Variants in LSAMP observed in about 807,000 individuals in gnomAD.
The protein encoded by LSAMP is limbic system associated membrane protein.
LSAMP carries 7 observed loss-of-function variants against 38.6 expected under a neutral mutation model. The observed-to-expected ratio is 0.18, with a 90% CI of 0.10 to 0.34. LSAMP has a LOEUF of 0.34. Ranked by LOEUF, LSAMP falls within the 10% of genes least tolerant of loss-of-function variation. The pLI, the probability that LSAMP is intolerant of heterozygous loss-of-function variation, is 1.00. For missense variants in LSAMP, 313 were observed against 420.0 expected (o/e 0.75, Z 2.23); for synonymous variants, 154 against 166.8 (o/e 0.92, Z 0.59).
intron 3 of LSAMP, among the ~76,000 whole-genome samples, chr3:115,893,834 A>G (rs1006470276): frequency 1.3e-5 from 2 of 151,936 alleles, no homozygotes; most frequent in African/African-American, 4.8e-5. Flanking sequence ...TTTCGAGAGG[A>G]CTTACAAATT....
chr3:116,383,836 C>A (rs748847599), intron 1 of LSAMP, among the ~76,000 whole-genome samples: 1 of 152,076 alleles, frequency 6.6e-6, no homozygotes, highest in African/African-American at 2.4e-5. Context: ...CAATAATTAG[C>A]TCTAGCACTT....
At chr3:115,830,310 GTAAC>G (rs889857654) in intron 6 of LSAMP, among the ~76,000 whole-genome samples, 1 of 152,178 alleles carries the variant, frequency 6.6e-6, no homozygotes, top group Non-Finnish European at 1.5e-5. Flanking sequence ...AGACGTTAAA[GTAAC>G]TGAGTGTTAT....
At position 116,197,316 on chromosome 3, in the gene LSAMP, T is replaced by A. The variant is rs113653341; in HGVS notation, c.156-110760A>T. On this transcript the variant is annotated intron_variant, in intron 1 of 6. Coordinates refer to ENST00000490035, the MANE Select transcript of LSAMP (RefSeq NM_002338.5). ...TCTGAAATTTATAACTTTGTCCTTG[T>A]CACTTCTCCTTCCAAACGTCTCACC... 5.1e-3 allele frequency among the ~76,000 whole-genome samples: 774 copies of A among 152,298 alleles called. 11 individuals are homozygous for A. The highest frequency in any genetic ancestry group is 0.018 in the African/African-American group (729 of 41,558).
chr3:115,804,546 A>AC lies in LSAMP; in HGVS notation c.*5770dup, dbSNP rs1559827183. Reference sequence around the variant, plus strand: ...ACCAAGAAGACACTTGGGGGTTGATACAACAGGCACATGAGCCCTTAAAAC... The same window carrying AC: ...ACCAAGAAGACACTTGGGGGTTGATACCAACAGGCACATGAGCCCTTAAAAC... On this transcript the variant is annotated 3_prime_UTR_variant, in exon 7 of 7. Coordinates refer to ENST00000490035, the MANE Select transcript of LSAMP (RefSeq NM_002338.5). 6.6e-6 allele frequency: 1 copy of AC among 152,182 alleles called. No homozygotes were observed. 9.4% of individuals were successfully genotyped at this position (152,182 alleles called of 1,614,324 possible). A position where few individuals can be genotyped will look rare whatever the true frequency, so the allele number is the denominator to read the frequency against.
intron 1 of LSAMP, among the ~76,000 whole-genome samples, chr3:116,256,091 T>C (rs1451844880): frequency 6.6e-6 from 1 of 152,216 alleles, no homozygotes; most frequent in Non-Finnish European, 1.5e-5. Flanking sequence ...CGGTGCAATT[T>C]GTCAAGTCGA....
chr3:116,223,015 G>C (rs1231420427), intron 1 of LSAMP, among the ~76,000 whole-genome samples: 1 of 152,038 alleles, frequency 6.6e-6, no homozygotes, highest in Non-Finnish European at 1.5e-5. Flanking sequence ...TGGGATTACA[G>C]GCGTGAGCCA....
chr3:116,377,178 A>C (rs1218653591), intron 1 of LSAMP, among the ~76,000 whole-genome samples: 1 of 152,006 alleles, frequency 6.6e-6, no homozygotes, highest in Non-Finnish European at 1.5e-5. Context: ...CCCATTACCT[A>C]GGTATCAAGC....
intron 6 of LSAMP, among the ~76,000 whole-genome samples, chr3:115,822,173 T>C (rs1457617965): frequency 6.6e-6 from 1 of 152,180 alleles, no homozygotes; most frequent in Non-Finnish European, 1.5e-5. Flanking sequence ...CCATGTATGA[T>C]ATTCATGTTG....
chr3:115,978,369 T>C (rs1329527327), intron 3 of LSAMP, among the ~76,000 whole-genome samples: 1 of 152,106 alleles, frequency 6.6e-6, no homozygotes, highest in Non-Finnish European at 1.5e-5. Flanking sequence ...CATTTACAGG[T>C]AAGGAAACTC....
chr3:116,117,567 C>T (rs1021685884), intron 1 of LSAMP, among the ~76,000 whole-genome samples: 1 of 152,114 alleles, frequency 6.6e-6, no homozygotes, highest in African/African-American at 2.4e-5. Flanking sequence ...TTCCAGGACC[C>T]CATCCAGTGT....
chr3:116,103,848 C>T (rs981511279), intron 1 of LSAMP, among the ~76,000 whole-genome samples: 63 of 151,906 alleles, frequency 4.1e-4, no homozygotes, highest in Non-Finnish European at 3.5e-4. Flanking sequence ...AAAAATCCTA[C>T]GGGTATTCAA....
intron 1 of LSAMP, among the ~76,000 whole-genome samples, chr3:116,145,931 ACTT>A (rs1709480726): frequency 6.6e-6 from 1 of 151,830 alleles, no homozygotes; most frequent in Non-Finnish European, 1.5e-5. Context: ...TTAAAAATAA[ACTT>A]CTTTTATATT....
At chr3:116,316,809 A>G (rs796864947) in intron 1 of LSAMP, among the ~76,000 whole-genome samples, 20 of 151,888 alleles carry the variant, frequency 1.3e-4, no homozygotes, top group African/African-American at 4.6e-4. Flanking sequence ...AAAGAAAGAA[A>G]GGTAAGGAAA....
intron 2 of LSAMP, among the ~76,000 whole-genome samples, chr3:116,065,642 T>A (rs776228929): frequency 1.3e-5 from 2 of 152,232 alleles, no homozygotes; most frequent in African/African-American, 4.8e-5. Flanking sequence ...CAGGTATGCA[T>A]GGAGCAAACC....
At chr3:115,875,211 CAGA>C (rs1936150892) in intron 3 of LSAMP, among the ~76,000 whole-genome samples, 1 of 152,096 alleles carries the variant, frequency 6.6e-6, no homozygotes, top group African/African-American at 2.4e-5. Context: ...TCCTTTCCAT[CAGA>C]AGAAGCGAGG....
At chr3:116,438,082 A>G (rs2049380978) in intron 1 of LSAMP, among the ~76,000 whole-genome samples, 1 of 138,834 alleles carries the variant, frequency 7.2e-6, no homozygotes, top group Non-Finnish European at 1.6e-5. Flanking sequence ...AAAAAAGTCT[A>G]CTTGCCCTGC....
At chr3:116,178,617 G>A (rs1182510909) in intron 1 of LSAMP, among the ~76,000 whole-genome samples, 2 of 152,122 alleles carry the variant, frequency 1.3e-5, no homozygotes, top group African/African-American at 4.8e-5. Context: ...GACTAGGATG[G>A]TTTAAGATAT....
chr3:116,072,719 C>T (rs1411051215), intron 2 of LSAMP, among the ~76,000 whole-genome samples: 1 of 122,714 alleles, frequency 8.1e-6, no homozygotes, highest in Non-Finnish European at 1.8e-5. Flanking sequence ...TCTGTTATTG[C>T]TATTTGCTTA....
intron 1 of LSAMP, among the ~76,000 whole-genome samples, chr3:116,424,375 A>C (rs1641320603): frequency 6.6e-6 from 1 of 152,218 alleles, no homozygotes; most frequent in Non-Finnish European, 1.5e-5. Context: ...AAATATTTCC[A>C]TTTCATTCCA....
Sources: gnomAD v4.1 joint callset for allele counts (sites outside exome capture counted in the v4.1 genomes callset) on GRCh38, gnomAD v4.1.1 for gene constraint, MANE v1.5 for transcripts, NCBI Gene and HGNC (gene_info 2026-07-23, HGNC 2026-07-21) for gene names.